METTL4: variants seen among roughly 807,000 people sequenced by gnomAD.
METTL4 encodes N(6)-adenine-specific methyltransferase METTL4.
In METTL4, 40 loss-of-function variants were observed where a neutral mutation model predicts 54.0. The ratio of observed to expected loss-of-function variants is 0.74; its 90% CI spans 0.58 to 0.96. The LOEUF (loss-of-function observed/expected upper bound fraction) is 0.96. METTL4 is among the 50% of genes least tolerant of loss of function. The pLI is 0.00. For synonymous variants in METTL4, 169 were observed against 183.8 expected, an observed-to-expected ratio of 0.92 and a Z score of 0.65; for missense variants, 525 against 549.0, an observed-to-expected ratio of 0.96 and a Z score of 0.44.
chr18:2,537,904 G>A lies in METTL4; in HGVS notation c.*1096C>T, dbSNP rs2071934606. ...CAAACCAGTGTTTGCCAGGGGCCAAGGATAGGAGCAGGGGATTGACTGCAA... is the reference window on the plus strand; with the variant it reads ...CAAACCAGTGTTTGCCAGGGGCCAAAGATAGGAGCAGGGGATTGACTGCAA... On this transcript the variant is annotated 3_prime_UTR_variant, in exon 9 of 9. Coordinates refer to ENST00000574538, the MANE Select transcript of METTL4 (RefSeq NM_022840.5). The A allele has an allele frequency of 2.5e-6, 1 of 398,544 alleles. No individual in the cohort carries two copies. The highest frequency in any genetic ancestry group is 4.4e-6 in the Non-Finnish European group (1 of 226,030). 24.7% of individuals were successfully genotyped at this position (398,544 alleles called of 1,614,324 possible).
chr18:2,548,971 G>T (rs1272750108), intron 5 of METTL4, among the ~76,000 whole-genome samples: 2 of 152,066 alleles, frequency 1.3e-5, no homozygotes, highest in African/African-American at 4.8e-5. Flanking sequence ...CCATTATCAG[G>T]ATCTTAAAGT....
intron 5 of METTL4, among the ~76,000 whole-genome samples, chr18:2,550,173 G>C (rs530675847): frequency 3.9e-5 from 6 of 152,234 alleles, no homozygotes; most frequent in Admixed American, 2.6e-4. Flanking sequence ...TCAAAAATTT[G>C]AAAGTACATG....
chr18:2,539,561 A>G (rs911810485), intron 8 of METTL4, among the ~76,000 whole-genome samples: 4 of 150,728 alleles, frequency 2.7e-5, no homozygotes, highest in African/African-American at 9.8e-5. Context: ...GGCTCACTGC[A>G]ACCTCCACCT....
chr18:2,544,234 C>T lies in METTL4; in HGVS notation c.1234G>A (p.Val412Met), dbSNP rs35088864. 7.9e-5 allele frequency: 127 copies of T among 1,613,252 alleles called. No individual in the cohort carries two copies. The African/African-American group carries it at 1.3e-3, about 17-fold the overall frequency. Residue 412 changes from valine (V) to methionine (M), a missense_variant, in exon 8 of 9, where the codon GTG (valine) becomes ATG (methionine). Coordinates refer to ENST00000574538, the MANE Select transcript of METTL4 (RefSeq NM_022840.5). ...PIPDHKLIVSVPCTLHSHKPP... is the reference protein window; with the variant it reads ...PIPDHKLIVSMPCTLHSHKPP... ...TTATGTGAGTGAAGAGTACAGGGCA[C>T]GCTGACAATTAATTTGTGGTCTGGA... is the stretch of plus-strand genomic sequence containing the variant.
intron 5 of METTL4, among the ~76,000 whole-genome samples, chr18:2,551,060 A>T (rs1211595378): frequency 6.8e-6 from 1 of 146,094 alleles, no homozygotes; most frequent in Non-Finnish European, 1.5e-5. Context: ...GCTACTCGGG[A>T]GGCTGAGGCA....
At chr18:2,549,024 C>T (rs1437234459) in intron 5 of METTL4, among the ~76,000 whole-genome samples, 1 of 152,186 alleles carries the variant, frequency 6.6e-6, no homozygotes, top group African/African-American at 2.4e-5. Flanking sequence ...GTACCACAAA[C>T]CCTCACCACT....
In METTL4 at chr18:2,555,067, G is replaced by T. The variant is rs765379358; in HGVS notation, c.460-29C>A. Reference sequence around the variant, plus strand: ...TAAGAGAATTTTAAGTACATTAAAAGAACGTTGACATTAAAAAAGAACATT... The same window carrying T: ...TAAGAGAATTTTAAGTACATTAAAATAACGTTGACATTAAAAAAGAACATT... On this transcript the variant is annotated intron_variant, in intron 3 of 8. Transcript: ENST00000574538. 8.8e-6 allele frequency: 14 copies of T among 1,591,060 alleles called. No homozygotes were observed. In the Admixed American group the frequency reaches 2.6e-4, roughly 30 times the overall value.
intron 8 of METTL4, among the ~76,000 whole-genome samples, chr18:2,543,673 T>G (rs748106242): frequency 2.0e-5 from 3 of 152,202 alleles, no homozygotes; most frequent in Non-Finnish European, 4.4e-5. Context: ...CATTGAATGA[T>G]AAACATTATA....
At chr18:2,558,337 A>G (rs1165662673) in intron 3 of METTL4, among the ~76,000 whole-genome samples, 2 of 152,246 alleles carry the variant, frequency 1.3e-5, no homozygotes, top group African/African-American at 4.8e-5. Context: ...CATTACCTGG[A>G]AATGAAATAG....
intron 6 of METTL4, among the ~76,000 whole-genome samples, chr18:2,547,040 T>C (rs151235019): frequency 2.6e-5 from 4 of 152,324 alleles, no homozygotes; most frequent in African/African-American, 9.6e-5. Context: ...TGTTTGGTGA[T>C]ACACAATTCC....
intron 1 of METTL4, among the ~76,000 whole-genome samples, chr18:2,569,742 T>C (rs1227267222): frequency 6.6e-6 from 1 of 152,162 alleles, no homozygotes; most frequent in Non-Finnish European, 1.5e-5. Flanking sequence ...GCTTTCCCCA[T>C]ATCTTCTCTT....
chr18:2,568,202 G>C (rs2072449502), intron 1 of METTL4, among the ~76,000 whole-genome samples: 1 of 152,206 alleles, frequency 6.6e-6, no homozygotes, highest in South Asian at 2.1e-4. Flanking sequence ...CACAGTTCCT[G>C]GCTCACCGCC....
chr18:2,560,160 T>C (rs1055341231), intron 3 of METTL4, among the ~76,000 whole-genome samples: 7 of 152,108 alleles, frequency 4.6e-5, no homozygotes, highest in Non-Finnish European at 2.9e-5. Context: ...CCTTCCCCCA[T>C]GACAATTAAA....
rs1308024193 is a variant in METTL4 at position 2,537,796 on chromosome 18, G to GA, written c.*1203dup. On this transcript the variant is annotated 3_prime_UTR_variant, in exon 9 of 9. Transcript: ENST00000574538. Reference sequence around the variant, plus strand: ...AAATGCTTTTCTCAAAATGCTACGTGAAAGAAGCCAGGCACAATAGATTAC... The same window carrying GA: ...AAATGCTTTTCTCAAAATGCTACGTGAAAAGAAGCCAGGCACAATAGATTAC... 1 of 398,192 alleles carries GA rather than the reference G, an allele frequency of 2.5e-6. No homozygotes were observed. Among genetic ancestry groups the GA allele is most frequent in the Non-Finnish European group, 4.4e-6 (1 of 225,906 alleles). 24.7% of individuals were successfully genotyped at this position (398,192 alleles called of 1,614,324 possible). A position where few individuals can be genotyped will look rare whatever the true frequency, so the allele number is the denominator to read the frequency against.
chr18:2,540,486 C>T, intron 8 of METTL4: 1 of 985,094 alleles, frequency 1.0e-6, no homozygotes, highest in South Asian at 4.7e-5. Flanking sequence ...GCTCTCACAG[C>T]AAAATACTTG....
At chr18:2,557,801 T>C (rs1344654146) in intron 3 of METTL4, among the ~76,000 whole-genome samples, 3 of 152,202 alleles carry the variant, frequency 2.0e-5, no homozygotes, top group African/African-American at 7.2e-5. Flanking sequence ...CCTTTGTCCC[T>C]GACCTAGGAG....
Position 2,567,012 on chromosome 18 carries a change from T to C in METTL4, c.205A>G (p.Thr69Ala), listed in dbSNP as rs1203865797. 1 of 1,614,020 alleles carries C rather than the reference T, an allele frequency of 6.2e-7. No individual in the cohort carries two copies. Among genetic ancestry groups the C allele is most frequent in the African/African-American group, 1.3e-5 (1 of 74,920 alleles). ...CCTCCATCATCATTCTCTGGCTTAG[T>C]GGAAGAGTCAGAAGCAATAAATGCA... ...CAAFIASDSS[T>A]KPENDDGGNY... is the part of the protein sequence containing the mutation. The change falls in exon 2 of 9, where the codon ACT (threonine) becomes GCT (alanine). Residue 69 changes from threonine (T) to alanine (A), a missense_variant. Thr to Ala is a moderately conservative substitution (Grantham distance 58). Coordinates refer to ENST00000574538, the MANE Select transcript of METTL4 (RefSeq NM_022840.5).
chr18:2,542,200 A>AT (rs149032135), intron 8 of METTL4, among the ~76,000 whole-genome samples: 30 of 150,326 alleles, frequency 2.0e-4, no homozygotes, highest in African/African-American at 6.6e-4. Context: ...GGCAAGACTC[A>AT]TTTTTTTTTT....
intron 3 of METTL4, among the ~76,000 whole-genome samples, chr18:2,559,029 A>G (rs2072277655): frequency 6.6e-6 from 1 of 152,186 alleles, no homozygotes; most frequent in Non-Finnish European, 1.5e-5. Flanking sequence ...ATGTAAAATG[A>G]TAGAACCACT....
Sources: allele counts gnomAD v4.1 joint callset (sites outside exome capture counted in the v4.1 genomes callset), GRCh38; gene constraint gnomAD v4.1.1; transcripts MANE v1.5; gene names NCBI Gene and HGNC (gene_info 2026-07-23, HGNC 2026-07-21).